The following WDR90 variants were observed in gnomAD, a reference collection of about 807,000 sequenced individuals.
WDR90 encodes WD repeat-containing protein 90.
WDR90 carries 238 observed loss-of-function variants against 195.2 expected under a neutral mutation model. The observed-to-expected ratio is 1.22, with a 90% CI of 1.10 to 1.36. The LOEUF (loss-of-function observed/expected upper bound fraction) is 1.36. Among genes scored for constraint, WDR90 ranks in the 40% most tolerant of loss-of-function variants. The pLI is 0.00. For synonymous variants in WDR90, 1,265 were observed against 1,052.4 expected (o/e 1.20, Z -3.91); for missense variants, 2,734 against 2,439.5 (o/e 1.12, Z -2.54).
chr16:666,344 CAA>C lies in WDR90; in HGVS notation c.4736_4737del (p.Lys1579ArgfsTer3). On this transcript the variant is annotated frameshift_variant, in exon 37 of 41. Coordinates refer to ENST00000293879, the MANE Select transcript of WDR90 (RefSeq NM_145294.5). LOFTEE classifies it high-confidence loss of function. ...APISTICVTC[K>X]ECEDLGVEGT... ...CAATCTCTACCATCTGTGTCACGTG[CAA>C]AGAGGTAAAGCAGCCCCAAGAGCTG... The C allele has an allele frequency of 6.2e-7, 1 of 1,612,670 alleles. No individual in the cohort carries two copies. Among genetic ancestry groups the C allele is most frequent in the South Asian group, 1.1e-5 (1 of 91,078 alleles).
In WDR90 at chr16:667,760, A is replaced by G. The variant is rs1238071609; in HGVS notation, c.*171A>G. The G allele has an allele frequency of 2.2e-6, 2 of 900,834 alleles. No individual in the cohort carries two copies. Among genetic ancestry groups the G allele is most frequent in the South Asian group, 1.4e-5 (1 of 70,086 alleles). The allele number at this position is 900,834 out of a possible 1,614,324, so 55.8% of individuals were successfully genotyped here. On this transcript the variant is annotated 3_prime_UTR_variant, in exon 41 of 41. Transcript: ENST00000293879. ...AATTTGGCGCCCTGTGAATACTTTC[A>G]TACCTGTTGCCCTTTTGCCTAAGAA... is the stretch of plus-strand genomic sequence containing the variant.
chr16:653,788 C>T lies in WDR90; in HGVS notation c.1422C>T (p.Asp474=), dbSNP rs765891202. 4 of 1,613,082 alleles carry T rather than the reference C, an allele frequency of 2.5e-6. No homozygotes were observed. Among genetic ancestry groups the T allele is most frequent in the Non-Finnish European group, 2.5e-6 (3 of 1,180,000 alleles). ...CCCTTCTCTGCGGGGTTGGCAAGGA[C>T]CACCACGGGAGGACGGTAACAGGGC... ...SGALLCGVGK[D]HHGRTMVVAW... The change falls in exon 13 of 41, where the codon GAC becomes GAT. Residue 474 remains aspartate, a synonymous_variant. Transcript: ENST00000293879.
rs1173349206 is a variant in WDR90 at position 665,815 on chromosome 16, G to A, written c.4434+14G>A. ...GTGCTGAACCAGGTGTGTGGGGAGTGCCCGGGCCGGGGGCGGGATGGGGGC... is the reference window on the plus strand; with the variant it reads ...GTGCTGAACCAGGTGTGTGGGGAGTACCCGGGCCGGGGGCGGGATGGGGGC... On this transcript the variant is annotated intron_variant, in intron 35 of 40. Coordinates refer to ENST00000293879, the MANE Select transcript of WDR90 (RefSeq NM_145294.5). 1.9e-6 allele frequency: 3 copies of A among 1,562,938 alleles called. No homozygotes were observed. Among genetic ancestry groups the A allele is most frequent in the Non-Finnish European group, 1.7e-6 (2 of 1,150,860 alleles).
chr16:658,443 G>A (rs767554061), intron 22 of WDR90, 82 bp from the exon 23 acceptor site: 38 of 1,576,186 alleles, frequency 2.4e-5, no homozygotes, highest in Non-Finnish European at 3.1e-5. Flanking sequence ...GGGGGCCGTC[G>A]CCACACCCAC....
chr16:656,390 G>C lies in WDR90; in HGVS notation c.2055G>C (p.Leu685=), dbSNP rs1233091921. 1 of 1,608,794 alleles carries C rather than the reference G, an allele frequency of 6.2e-7. No homozygotes were observed. The highest frequency in any genetic ancestry group is 1.7e-5 in the Admixed American group (1 of 59,922). ...CCTCCTCGGGCCACCTGGGCTTCCT[G>C]GACACGCTGTCCCGGGTGTACCACA... ...SATSSGHLGF[L]DTLSRVYHML... The change falls in exon 18 of 41, where the codon CTG becomes CTC. Residue 685 remains leucine, a synonymous_variant. Coordinates refer to ENST00000293879, the MANE Select transcript of WDR90 (RefSeq NM_145294.5).
intron 37 of WDR90, 23 bp downstream of exon 37, chr16:666,373 G>T: frequency 6.2e-7 from 1 of 1,612,054 alleles, no homozygotes; most frequent in Non-Finnish European, 8.5e-7. Context: ...CAAGAGCTGG[G>T]GAGAGGGGGC....
At chr16:662,402 G>A (rs997897046) in intron 33 of WDR90, 71 bp downstream of exon 33, 2 of 1,513,678 alleles carry the variant, frequency 1.3e-6, no homozygotes, top group African/African-American at 2.8e-5. Flanking sequence ...CTTGCAGCCA[G>A]TGCCCCGCCC....
rs1407677252 is a variant in WDR90, at chr16:661,992, G to A, written c.3966G>A (p.Gln1322=). The A allele has an allele frequency of 1.9e-6, 3 of 1,605,370 alleles. No homozygotes were observed. The highest frequency in any genetic ancestry group is 3.3e-5 in the Admixed American group (2 of 60,016). The change falls in exon 32 of 41, where the codon CAG becomes CAA. Residue 1322 remains glutamine (Q), a synonymous_variant. Coordinates refer to ENST00000293879, the MANE Select transcript of WDR90 (RefSeq NM_145294.5). ...PLLYCGTSSG[Q]VCVWDTRAGR... is the part of the protein sequence containing the mutation. ...TCTATTGTGGCACCAGCTCTGGCCA[G>A]GTCTGTGTCTGGGACACGCGTGCCG...
chr16:652,592 G>A, intron 10 of WDR90, 57 bp downstream of exon 10: 1 of 1,523,968 alleles, frequency 6.6e-7, no homozygotes, highest in Non-Finnish European at 8.9e-7. Flanking sequence ...CGAGCGCTGA[G>A]TACAGAACGG....
In WDR90 at chr16:657,192, A is replaced by AC; in HGVS notation, c.2449dup (p.Gln817ProfsTer51). ...TCCCTGGCCCAGTACAGCTGTGCGG[A>AC]CCCCCAGTGGCATGTCCTCCGAGTG... On this transcript the variant is annotated frameshift_variant, in exon 20 of 41. Coordinates refer to ENST00000293879, the MANE Select transcript of WDR90 (RefSeq NM_145294.5). LOFTEE classifies it high-confidence loss of function. 6.4e-7 allele frequency: 1 copy of AC among 1,554,202 alleles called. No homozygotes were observed. The highest frequency in any genetic ancestry group is 8.7e-7 in the Non-Finnish European group (1 of 1,149,472).
At chr16:656,922 G>A (rs1199207287) in intron 19 of WDR90, 51 bp downstream of exon 19, 5 of 1,587,578 alleles carry the variant, frequency 3.1e-6, no homozygotes, top group South Asian at 1.1e-5. Context: ...GGTGGAAGCT[G>A]GGGTGGCCAG....
chr16:659,716 C>A (rs1015998266), intron 26 of WDR90, among the ~76,000 whole-genome samples: 1 of 152,208 alleles, frequency 6.6e-6, no homozygotes, highest in Non-Finnish European at 1.5e-5. Context: ...GAGGAGGAGG[C>A]TGGCAGGGCT....
At position 656,422 on chromosome 16, in the gene WDR90, C is replaced by T; in HGVS notation, c.2087C>T (p.Ala696Val). The T allele has an allele frequency of 1.9e-6, 3 of 1,605,134 alleles. No homozygotes were observed. Among genetic ancestry groups the T allele is most frequent in the South Asian group, 2.2e-5 (2 of 90,170 alleles). Residue 696 changes from alanine to valine, a missense_variant, in exon 18 of 41, where the codon GCT (alanine) becomes GTT (valine). Physicochemically the swap from Ala to Val is moderately conservative, Grantham distance 64. Transcript: ENST00000293879. Reference sequence around the variant, plus strand: ...CTGTCCCGGGTGTACCACATGCTGGCTCGCTCCCACACCGCCCCGGTGTTG... The same window carrying T: ...CTGTCCCGGGTGTACCACATGCTGGTTCGCTCCCACACCGCCCCGGTGTTG... ...DTLSRVYHMLARSHTAPVLAL... is the reference protein window; with the variant it reads ...DTLSRVYHMLVRSHTAPVLAL...
chr16:657,022 G>C (rs2037770247), intron 19 of WDR90, 69 bp from the exon 20 acceptor site: 1 of 1,572,996 alleles, frequency 6.4e-7, no homozygotes, highest in Admixed American at 1.8e-5. Context: ...TGGTTGGCTG[G>C]AGGTCGAGGG....
chr16:650,033 G>A lies in WDR90; in HGVS notation c.145G>A (p.Val49Ile). The stretch of plus-strand genomic sequence containing the variant: ...CGCCGTGTATCGCATTCGGGGCTCA[G>A]TCTCTGCCGCCAACTACATCCAGCT... ...KGAVYRIRGS[V>I]SAANYIQLPK... The change falls in exon 3 of 41, where the codon GTC (valine) becomes ATC (isoleucine). Residue 49 changes from valine to isoleucine, a missense_variant. By Grantham distance (29) the Val-to-Ile change is conservative (BLOSUM62 3). Coordinates refer to ENST00000293879, the MANE Select transcript of WDR90 (RefSeq NM_145294.5). 5.6e-6 allele frequency: 9 copies of A among 1,612,854 alleles called. No individual in the cohort carries two copies. Among genetic ancestry groups the A allele is most frequent in the Non-Finnish European group, 7.6e-6 (9 of 1,179,982 alleles).
At chr16:650,805 C>G (rs144131075) in intron 5 of WDR90, 96 bp downstream of exon 5, 1 of 1,522,360 alleles carries the variant, frequency 6.6e-7, no homozygotes, top group Non-Finnish European at 8.9e-7. Flanking sequence ...ATACAGTGCT[C>G]GAGCTGTGCT....
chr16:660,255 C>A lies in WDR90; in HGVS notation c.3288+94C>A. On this transcript the variant is annotated intron_variant, in intron 27 of 40. Transcript: ENST00000293879. The stretch of plus-strand genomic sequence containing the variant: ...GCACCTCCTCAGGGTTGCTTTTGGT[C>A]GCCAAAGGTGATGGCTCTGGCCCTT... 2.5e-6 allele frequency: 3 copies of A among 1,192,852 alleles called. No homozygotes were observed. In the South Asian group the frequency reaches 4.8e-5, roughly 19 times the overall value. 73.9% of individuals were successfully genotyped at this position (1,192,852 alleles called of 1,614,324 possible). A position where few individuals can be genotyped will look rare whatever the true frequency, so the allele number is the denominator to read the frequency against.
At position 658,400 on chromosome 16, in the gene WDR90, G is replaced by C. The variant is rs374205686; in HGVS notation, c.2766+56G>C. On this transcript the variant is annotated intron_variant, in intron 22 of 40. Coordinates refer to ENST00000293879, the MANE Select transcript of WDR90 (RefSeq NM_145294.5). ...GGCCCTCCCTGTGCTGTCCAGGCCT[G>C]GCCTCTGTGCCTGCAGCCTCTCCAG... 259 of 1,590,822 alleles carry C rather than the reference G, an allele frequency of 1.6e-4. 1 individual carries two copies. In the African/African-American group the frequency reaches 2.6e-3, roughly 16 times the overall value.
chr16:654,987 C>A lies in WDR90; in HGVS notation c.1438-42C>A, dbSNP rs543237623. On this transcript the variant is annotated intron_variant, in intron 13 of 40. Coordinates refer to ENST00000293879, the MANE Select transcript of WDR90 (RefSeq NM_145294.5). ...GGGCCTTGCAGAATCGAGGTGGCCC[C>A]GACTGGCCCTGCCGTGCGGGCTCAG... 4 of 1,592,582 alleles carry A rather than the reference C, an allele frequency of 2.5e-6. No homozygotes were observed. In the South Asian group the frequency reaches 4.4e-5, roughly 18 times the overall value.
Sources: gnomAD v4.1 joint callset for allele counts (sites outside exome capture counted in the v4.1 genomes callset) on GRCh38, gnomAD v4.1.1 for gene constraint, MANE v1.5 for transcripts, NCBI Gene and HGNC (gene_info 2026-07-23, HGNC 2026-07-21) for gene names.